The following MKX variants were observed in gnomAD, a reference collection of about 807,000 sequenced individuals.
MKX encodes the protein mohawk homeobox.
In MKX, 13 loss-of-function variants were observed where a neutral mutation model predicts 36.0. The ratio of observed to expected loss-of-function variants is 0.36; its 90% CI spans 0.24 to 0.57. The LOEUF (loss-of-function observed/expected upper bound fraction) is 0.57, where lower values mean the gene tolerates loss of function less well. Ranked by LOEUF, MKX falls within the 20% of genes least tolerant of loss-of-function variation. The pLI is 0.79. For missense variants in MKX, 458 were observed against 456.4 expected (o/e 1.00, Z -0.03); for synonymous variants, 176 against 178.3 (o/e 0.99, Z 0.10).
intron 3 of MKX, among the ~76,000 whole-genome samples, chr10:27,738,774 G>C (rs1358848347): frequency 6.6e-6 from 1 of 152,006 alleles, no homozygotes; most frequent in Non-Finnish European, 1.5e-5. Flanking sequence ...TACACCCAAA[G>C]GGATAAACTG....
chr10:27,719,292 C>A (rs1173044737), intron 5 of MKX, among the ~76,000 whole-genome samples: 1 of 152,132 alleles, frequency 6.6e-6, no homozygotes, highest in Non-Finnish European at 1.5e-5. Flanking sequence ...AGAGTGTGAG[C>A]TGCTTCTCCC....
In MKX at chr10:27,675,352, C is replaced by T. The variant is rs778613119; in HGVS notation, c.936G>A (p.Met312Ile). 1 of 1,614,198 alleles carries T rather than the reference C, an allele frequency of 6.2e-7. No individual in the cohort carries two copies. Among genetic ancestry groups the T allele is most frequent in the South Asian group, 1.1e-5 (1 of 91,078 alleles). ...DTYWKEINAA[M>I]ALTNLAQGKD... ...TTCCCTGTGCAAGATTTGTTAAGGCCATAGCTGCGTTGATCTCCTTCCAAT... is the reference window on the plus strand; with the variant it reads ...TTCCCTGTGCAAGATTTGTTAAGGCTATAGCTGCGTTGATCTCCTTCCAAT... The change falls in exon 7 of 7, where the codon ATG becomes ATA. Residue 312 changes from methionine to isoleucine, a missense_variant. By Grantham distance (10) the Met-to-Ile change is conservative. Around this residue, in one of 3 missense-constraint regions of MKX, gnomAD observed 297 missense variants for 304.4 expected, o/e 0.98. Coordinates refer to ENST00000419761, the MANE Select transcript of MKX (RefSeq NM_173576.3).
chr10:27,729,992 G>A (rs1377380590), intron 5 of MKX, among the ~76,000 whole-genome samples: 1 of 151,714 alleles, frequency 6.6e-6, no homozygotes, highest in East Asian at 1.9e-4. Context: ...TAGAGGCTTG[G>A]ACATCAGTTT....
intron 5 of MKX, among the ~76,000 whole-genome samples, chr10:27,698,276 A>C (rs1273903137): frequency 6.6e-6 from 1 of 152,192 alleles, no homozygotes. Context: ...CTATCCTGAC[A>C]GGCATGGGGA....
chr10:27,730,560 C>T (rs926059789), intron 5 of MKX, among the ~76,000 whole-genome samples: 24 of 151,130 alleles, frequency 1.6e-4, no homozygotes, highest in Non-Finnish European at 5.9e-5. Context: ...TGGGTTCAAG[C>T]GATTCTCGTA....
rs141937486 is a variant in MKX at position 27,742,420 on chromosome 10, A to G, written c.188+808T>C. ...TCCACCCGAAACGACTGGTAGTAAC[A>G]TTTTGACGAAACCGAATCTCTGTTT... On this transcript the variant is annotated intron_variant, in intron 2 of 6. Transcript: ENST00000419761. This position sits in a 1 kb window ranked among gnomAD's most constrained non-coding sequence, Gnocchi z 4.2. Among the ~76,000 whole-genome samples the G allele has an allele frequency of 5.5e-3, 844 of 152,244 alleles. 16 individuals are homozygous for G. The highest frequency in any genetic ancestry group is 0.046 in the East Asian group (239 of 5,160).
At chr10:27,711,483 C>CTTTCTTTCTTTCTTTCTTTT (rs1391922537) in intron 5 of MKX, among the ~76,000 whole-genome samples, 1 of 63,224 alleles carries the variant, frequency 1.6e-5, no homozygotes, top group African/African-American at 5.8e-5. Context: ...TTCTTTCTTT[C>CTTTCTTTCTTTCTTTCTTTT]TCTCTCTCTC....
intron 3 of MKX, among the ~76,000 whole-genome samples, chr10:27,736,277 T>C (rs977392628): frequency 6.6e-6 from 1 of 151,910 alleles, no homozygotes; most frequent in Non-Finnish European, 1.5e-5. Context: ...AGGGGGAAAA[T>C]AAACCAAAGA....
intron 2 of MKX, 68 bp downstream of exon 2, chr10:27,743,160 C>T (rs1834948650): frequency 7.4e-7 from 1 of 1,357,206 alleles, no homozygotes; most frequent in Non-Finnish European, 9.5e-7. Flanking sequence ...CACGGGACCC[C>T]GTCACAGCTC....
chr10:27,692,420 G>A (rs1836471178), intron 5 of MKX, among the ~76,000 whole-genome samples: 1 of 152,154 alleles, frequency 6.6e-6, no homozygotes, highest in Non-Finnish European at 1.5e-5. Context: ...TATATTACAA[G>A]ATACTTCAGA....
chr10:27,743,215 G>A lies in MKX; in HGVS notation c.188+13C>T. ...GCCGCAGGCGGGCAGGGCCCCCAGG[G>A]GAGTGCGCATACCCGGTCCTCCGGT... is the stretch of plus-strand genomic sequence containing the variant. On this transcript the variant is annotated intron_variant, in intron 2 of 6. Coordinates refer to ENST00000419761, the MANE Select transcript of MKX (RefSeq NM_173576.3). The A allele has an allele frequency of 6.8e-7, 1 of 1,473,538 alleles. No homozygotes were observed. Among genetic ancestry groups the A allele is most frequent in the Non-Finnish European group, 9.0e-7 (1 of 1,117,082 alleles). 91.3% of individuals were successfully genotyped at this position (1,473,538 alleles called of 1,614,324 possible).
chr10:27,713,402 A>G (rs1836907411), intron 5 of MKX, among the ~76,000 whole-genome samples: 3 of 152,236 alleles, frequency 2.0e-5, no homozygotes, highest in Admixed American at 1.3e-4. Context: ...CAGTCCATGT[A>G]CAAAAGGAAG....
chr10:27,685,601 A>G (rs912801299), intron 5 of MKX, among the ~76,000 whole-genome samples: 1 of 151,976 alleles, frequency 6.6e-6, no homozygotes, highest in African/African-American at 2.4e-5. Flanking sequence ...GGCGCCCGCC[A>G]CCACGCCTGG....
At chr10:27,701,303 C>CGCGGTGCACATCACGGCAT (rs1836648244) in intron 5 of MKX, among the ~76,000 whole-genome samples, 1 of 133,676 alleles carries the variant, frequency 7.5e-6, no homozygotes, top group Admixed American at 7.4e-5. Context: ...CATCACGGCA[C>CGCGGTGCACATCACGGCAT]GCAGCGCATT....
intron 1 of MKX, among the ~76,000 whole-genome samples, chr10:27,745,157 T>A (rs1835025032): frequency 6.6e-6 from 1 of 151,522 alleles, no homozygotes; most frequent in Admixed American, 6.6e-5. Context: ...TCCTCCTAGA[T>A]GCGACGACGT....
At chr10:27,716,460 CAATTGCCTGAT>C (rs1156467265) in intron 5 of MKX, among the ~76,000 whole-genome samples, 1 of 145,526 alleles carries the variant, frequency 6.9e-6, no homozygotes, top group Non-Finnish European at 1.5e-5. Flanking sequence ...AGCACACTGT[CAATTGCCTGAT>C]GCTGGCCTGC....
At chr10:27,677,209 C>T (rs983063497) in intron 5 of MKX, among the ~76,000 whole-genome samples, 1 of 152,146 alleles carries the variant, frequency 6.6e-6, no homozygotes, top group Non-Finnish European at 1.5e-5. Context: ...CTGTGCTGCA[C>T]ACAGGAAACC....
At chr10:27,715,446 T>A (rs80249619) in intron 5 of MKX, among the ~76,000 whole-genome samples, 97 of 152,274 alleles carry the variant, frequency 6.4e-4, no homozygotes, top group Middle Eastern at 3.4e-3. Flanking sequence ...TTACTGAAGA[T>A]GAGGGTGCTA....
At chr10:27,696,301 G>T (rs2815568) in intron 5 of MKX, among the ~76,000 whole-genome samples, 2 of 152,140 alleles carry the variant, frequency 1.3e-5, no homozygotes, top group Non-Finnish European at 2.9e-5. Flanking sequence ...TGGTACTCTC[G>T]TGAAAATTAG....
Sources: gnomAD v4.1 joint callset for allele counts (sites outside exome capture counted in the v4.1 genomes callset) on GRCh38, gnomAD v4.1.1 for gene constraint, gnomAD v4.1.1 regional missense constraint, Gnocchi (gnomAD v3.1) non-coding constraint, MANE v1.5 for transcripts, NCBI Gene and HGNC (gene_info 2026-07-23, HGNC 2026-07-21) for gene names.